FIG4: variants seen among roughly 807,000 people sequenced by gnomAD.
FIG4 encodes the protein polyphosphoinositide phosphatase.
Under a neutral mutation model 118.6 loss-of-function variants are expected in FIG4, and 112 were observed. That is an observed-to-expected ratio of 0.94 (90% CI 0.81 to 1.11). FIG4 has a LOEUF of 1.11. Among genes scored for constraint, FIG4 ranks in the 50% least tolerant of loss-of-function variants. The pLI is 0.00. For missense variants in FIG4, 969 were observed against 1,111.7 expected, an observed-to-expected ratio of 0.87 and a Z score of 1.83; for synonymous variants, 369 against 381.2, an observed-to-expected ratio of 0.97 and a Z score of 0.37.
intron 22 of FIG4, among the ~76,000 whole-genome samples, chr6:109,809,917 A>G (rs1411055389): frequency 6.6e-6 from 1 of 152,162 alleles, no homozygotes; most frequent in African/African-American, 2.4e-5. Flanking sequence ...TGAAGTGCCC[A>G]GGTTTTTCCA....
At chr6:109,760,768 G>T (rs1040702942) in intron 11 of FIG4, among the ~76,000 whole-genome samples, 2 of 152,114 alleles carry the variant, frequency 1.3e-5, no homozygotes, top group African/African-American at 2.4e-5. Flanking sequence ...AATGTCAAAG[G>T]CTCGTCATCT....
intron 10 of FIG4, among the ~76,000 whole-genome samples, chr6:109,752,244 G>C (rs1168290681): frequency 6.6e-6 from 1 of 151,506 alleles, no homozygotes; most frequent in Non-Finnish European, 1.5e-5. Context: ...ATCACTGTTG[G>C]ACATTTGGGT....
intron 22 of FIG4, among the ~76,000 whole-genome samples, chr6:109,808,293 C>A (rs1778624225): frequency 7.5e-6 from 1 of 133,378 alleles, no homozygotes; most frequent in Non-Finnish European, 1.5e-5. Context: ...GATAGCAAGG[C>A]AGTGGCACCA....
chr6:109,750,120 A>G (rs915324832), intron 10 of FIG4, among the ~76,000 whole-genome samples: 13 of 152,194 alleles, frequency 8.5e-5, no homozygotes, highest in African/African-American at 4.8e-5. Flanking sequence ...ATAAAGCGAA[A>G]TGCTTTTCAT....
At position 109,815,812 on chromosome 6, in the gene FIG4, A is replaced by C. The variant is rs1012336073; in HGVS notation, c.2547-9276A>C. ...TTCTAAAGCAAGCAAACAAAAAAAA[A>C]CAATAAAAACAGGGAGCAACCAGAG... On this transcript the variant is annotated intron_variant, in intron 22 of 22. Coordinates refer to ENST00000230124, the MANE Select transcript of FIG4 (RefSeq NM_014845.6). Among the ~76,000 whole-genome samples, 8 of 151,904 alleles carry C rather than the reference A, an allele frequency of 5.3e-5. No individual in the cohort carries two copies. The South Asian group carries it at 6.2e-4, about 12-fold the overall frequency.
intron 22 of FIG4, among the ~76,000 whole-genome samples, chr6:109,812,142 G>A (rs1778736211): frequency 6.6e-6 from 1 of 152,112 alleles, no homozygotes; most frequent in South Asian, 2.1e-4. Flanking sequence ...GCCACCTTGT[G>A]AAGAAGGTGC....
intron 1 of FIG4, among the ~76,000 whole-genome samples, chr6:109,703,070 A>G (rs1045316497): frequency 6.6e-6 from 1 of 151,310 alleles, no homozygotes; most frequent in Non-Finnish European, 1.5e-5. Flanking sequence ...TCCTTTAATT[A>G]CTTCATGAGA....
chr6:109,789,728 T>G (rs767112015), intron 19 of FIG4, 51 bp downstream of exon 19: 74 of 1,262,002 alleles, frequency 5.9e-5, no homozygotes, highest in Non-Finnish European at 8.1e-5. Context: ...AAAAGAATAG[T>G]ACTTGCAATA....
chr6:109,810,948 G>A (rs1298563298), intron 22 of FIG4, among the ~76,000 whole-genome samples: 2 of 152,154 alleles, frequency 1.3e-5, no homozygotes, highest in African/African-American at 4.8e-5. Flanking sequence ...TGAGAAATGA[G>A]ACCACATTCT....
intron 22 of FIG4, among the ~76,000 whole-genome samples, chr6:109,823,243 C>T (rs1048335814): frequency 6.6e-6 from 1 of 152,114 alleles, no homozygotes; most frequent in Non-Finnish European, 1.5e-5. Flanking sequence ...AAGAATTTTG[C>T]TGTCCTCATG....
At chr6:109,719,706 A>T (rs1348031445) in intron 3 of FIG4, among the ~76,000 whole-genome samples, 1 of 152,158 alleles carries the variant, frequency 6.6e-6, no homozygotes, top group Non-Finnish European at 1.5e-5. Context: ...AACTGTGTTT[A>T]AAAATAGCTG....
chr6:109,796,598 C>T (rs188615607), intron 21 of FIG4, among the ~76,000 whole-genome samples, 167 bp from the exon 22 acceptor site: 3 of 152,290 alleles, frequency 2.0e-5, no homozygotes, highest in African/African-American at 7.2e-5. Flanking sequence ...TTTAACAAGC[C>T]CACTTTAAAA....
At chr6:109,811,630 T>C (rs1405288341) in intron 22 of FIG4, among the ~76,000 whole-genome samples, 1 of 152,208 alleles carries the variant, frequency 6.6e-6, no homozygotes, top group Admixed American at 6.5e-5. Flanking sequence ...AGGGCCCTTC[T>C]GTTTTAGAGT....
chr6:109,695,010 T>C (rs781563098), intron 1 of FIG4, among the ~76,000 whole-genome samples: 3 of 152,184 alleles, frequency 2.0e-5, no homozygotes, highest in Non-Finnish European at 4.4e-5. Flanking sequence ...GTATAGCCAT[T>C]ATAGAAAACA....
chr6:109,794,624 A>G (rs1399851888), intron 21 of FIG4, among the ~76,000 whole-genome samples: 1 of 152,224 alleles, frequency 6.6e-6, no homozygotes, highest in Non-Finnish European at 1.5e-5. Context: ...TGGCTCAGCT[A>G]GGCTCTGGAG....
chr6:109,754,561 A>G (rs899637914), intron 10 of FIG4, among the ~76,000 whole-genome samples: 1 of 152,204 alleles, frequency 6.6e-6, no homozygotes, highest in African/African-American at 2.4e-5. Context: ...CTGTGAATCC[A>G]TCTGGTCCTG....
intron 22 of FIG4, among the ~76,000 whole-genome samples, chr6:109,812,585 TG>T (rs1778750524): frequency 6.6e-6 from 1 of 152,082 alleles, no homozygotes; most frequent in Non-Finnish European, 1.5e-5. Flanking sequence ...AGAAGGAAAA[TG>T]GGCAGCAGTG....
At chr6:109,821,046 A>AG (rs1312846610) in intron 22 of FIG4, among the ~76,000 whole-genome samples, 1 of 152,204 alleles carries the variant, frequency 6.6e-6, no homozygotes, top group Non-Finnish European at 1.5e-5. Flanking sequence ...GGGGAGTGCA[A>AG]GGGATTTTTG....
rs572003905 is a variant in FIG4, at chr6:109,691,338, T to C, written c.-98T>C. On this transcript the variant is annotated 5_prime_UTR_variant, in exon 1 of 23. Transcript: ENST00000230124. Reference sequence around the variant, plus strand: ...GTGCCTAATGGGTGTTGTTCCTGGCTGGACTTGATGTCCAGGGCCTGAGGG... The same window carrying C: ...GTGCCTAATGGGTGTTGTTCCTGGCCGGACTTGATGTCCAGGGCCTGAGGG... 3.1e-6 allele frequency: 3 copies of C among 964,466 alleles called. No homozygotes were observed. Among genetic ancestry groups the C allele is most frequent in the Admixed American group, 2.0e-5 (1 of 50,228 alleles). The allele number at this position is 964,466 out of a possible 1,614,324, so 59.7% of individuals were successfully genotyped here.
Sources: gnomAD v4.1 joint callset for allele counts (sites outside exome capture counted in the v4.1 genomes callset) on GRCh38, gnomAD v4.1.1 for gene constraint, MANE v1.5 for transcripts, NCBI Gene and HGNC (gene_info 2026-07-23, HGNC 2026-07-21) for gene names.